Variants in BATF2 observed in about 807,000 individuals in gnomAD.
The protein encoded by BATF2 is basic leucine zipper ATF-like transcription factor 2.
Under a neutral mutation model 7.3 loss-of-function variants are expected in BATF2, and 4 were observed. The ratio of observed to expected loss-of-function variants is 0.55; its 90% CI spans 0.27 to 1.26. The LOEUF (loss-of-function observed/expected upper bound fraction) is 1.26, where lower values mean the gene tolerates loss of function less well. BATF2 is among the 50% of genes most tolerant of loss of function. The pLI is 0.11. For missense variants in BATF2, 295 were observed against 340.5 expected (o/e 0.87, Z 1.05); for synonymous variants, 152 against 153.9 (o/e 0.99, Z 0.09).
rs145280751 is a variant in BATF2 at position 64,989,444 on chromosome 11, C to T, written c.510G>A (p.Leu170=). The T allele has an allele frequency of 2.9e-3, 4,679 of 1,609,450 alleles. 11 individuals are homozygous for T. The highest frequency in any genetic ancestry group is 3.7e-3 in the Non-Finnish European group (4,344 of 1,177,688). Residue 170 remains leucine (L), a synonymous_variant, in exon 3 of 3, where the codon CTG becomes CTA. Transcript: ENST00000301887. This position sits in a 1 kb window ranked among gnomAD's most constrained non-coding sequence, Gnocchi z 4.3. ...AGGCAAACAGGAGAGGGCTGGGGGA[C>T]AGCTGGACAGGAGGTTCAGCAACCA... ...PAVVAEPPVQ[L]SPSPLLFASH... is the part of the protein sequence containing the mutation.
rs1317004427 is a variant in BATF2 at position 64,988,262 on chromosome 11, C to G, written c.*867G>C. 1.3e-5 allele frequency: 2 copies of G among 152,330 alleles called. No homozygotes were observed. The highest frequency in any genetic ancestry group is 4.8e-5 in the African/African-American group (2 of 41,464). The allele number at this position is 152,330 out of a possible 1,614,324, so 9.4% of individuals were successfully genotyped here. A position where few individuals can be genotyped will look rare whatever the true frequency, so the allele number is the denominator to read the frequency against. ...GGGTGATGAGGGCCTGGGGGCCACA[C>G]AGGGGTGGGTGCTGTCAGGTACAAG... On this transcript the variant is annotated 3_prime_UTR_variant, in exon 3 of 3. Coordinates refer to ENST00000301887, the MANE Select transcript of BATF2 (RefSeq NM_138456.4).
intron 2 of BATF2, among the ~76,000 whole-genome samples, chr11:64,992,359 G>T (rs745845571): frequency 6.6e-6 from 1 of 151,862 alleles, no homozygotes. Context: ...GAGCCACCGC[G>T]CCTGGCTCAT....
At position 64,994,513 on chromosome 11, in the gene BATF2, T is replaced by C; in HGVS notation, c.76A>G (p.Lys26Glu). The C allele has an allele frequency of 2.5e-6, 4 of 1,604,528 alleles. No individual in the cohort carries two copies. The highest frequency in any genetic ancestry group is 3.4e-6 in the Non-Finnish European group (4 of 1,175,648). ...KEQQRQLKKQ[K>E]NRAAAQRSRQ... ...CTTCGCTGGGCGGCTGCCCGGTTCT[T>C]CTGCTTCTTCAGCTGCCTTTGTTGC... Residue 26 changes from lysine (K) to glutamate (E), a missense_variant, in exon 2 of 3, where the codon AAG (lysine) becomes GAG (glutamate). Transcript: ENST00000301887.
Position 64,989,501 on chromosome 11 carries a change from G to A in BATF2, c.453C>T (p.Cys151=). The part of the protein sequence containing the change: ...QPHDSPSLLQ[C]PLPSLSLGPA... ...GGCCAAGGGACAGTGAGGGCAGGGGGCACTGGAGGAGGCTGGGAGAATCAT... is the reference window on the plus strand; with the variant it reads ...GGCCAAGGGACAGTGAGGGCAGGGGACACTGGAGGAGGCTGGGAGAATCAT... The change falls in exon 3 of 3, where the codon TGC becomes TGT. Residue 151 remains cysteine, a synonymous_variant. Transcript: ENST00000301887. This position sits in a 1 kb window ranked among gnomAD's most constrained non-coding sequence, Gnocchi z 4.3. The A allele has an allele frequency of 6.2e-7, 1 of 1,605,356 alleles. No individual in the cohort carries two copies. Among genetic ancestry groups the A allele is most frequent in the Non-Finnish European group, 8.5e-7 (1 of 1,175,920 alleles).
At position 64,996,939 on chromosome 11, in the gene BATF2, TC is replaced by T. The variant is rs1946114805; in HGVS notation, c.-26del. ...TGGCTTAGGCGGGGGAGCAGAGTGGTCCCTCAGCAGCTGTGACTTCCCAGTG... is the reference window on the plus strand; with the variant it reads ...TGGCTTAGGCGGGGGAGCAGAGTGGTCCTCAGCAGCTGTGACTTCCCAGTG... On this transcript the variant is annotated 5_prime_UTR_variant, in exon 1 of 3. Coordinates refer to ENST00000301887, the MANE Select transcript of BATF2 (RefSeq NM_138456.4). The T allele has an allele frequency of 1.9e-6, 3 of 1,572,022 alleles. No homozygotes were observed. Among genetic ancestry groups the T allele is most frequent in the Admixed American group, 1.8e-5 (1 of 55,790 alleles).
chr11:64,991,153 ATTTTTTT>A (rs986602706), intron 2 of BATF2, among the ~76,000 whole-genome samples: 1 of 113,022 alleles, frequency 8.8e-6, no homozygotes, highest in African/African-American at 3.3e-5. Context: ...GGAATGATGA[ATTTTTTT>A]TTTTTTTTTT....
intron 2 of BATF2, among the ~76,000 whole-genome samples, chr11:64,993,822 G>T (rs1159774924): frequency 6.6e-6 from 1 of 151,858 alleles, no homozygotes; most frequent in Non-Finnish European, 1.5e-5. Flanking sequence ...CTATAGACAG[G>T]GTCTCAATCT....
chr11:64,994,378 G>T, intron 2 of BATF2, 70 bp downstream of exon 2: 1 of 1,430,808 alleles, frequency 7.0e-7, no homozygotes, highest in Non-Finnish European at 9.6e-7. Context: ...TCAAAGGTGG[G>T]ATGGAGAAGA....
At position 64,989,679 on chromosome 11, in the gene BATF2, G is replaced by A. The variant is rs760754224; in HGVS notation, c.275C>T (p.Ser92Leu). The stretch of plus-strand genomic sequence containing the variant: ...CCAGCAGCCCAGGAGCCCTGGAGCT[G>A]AGCAGGAGGCACAATCCATGGGGCA... ...RLCPMDCASC[S>L]APGLLGCWDQ... The change falls in exon 3 of 3, where the codon TCA (serine) becomes TTA (leucine). Residue 92 changes from serine to leucine, a missense_variant. Transcript: ENST00000301887. This position sits in a 1 kb window ranked among gnomAD's most constrained non-coding sequence, Gnocchi z 4.3. 8.7e-6 allele frequency: 14 copies of A among 1,613,846 alleles called. No individual in the cohort carries two copies. The South Asian group carries it at 1.2e-4, about 14-fold the overall frequency.
At chr11:64,990,572 C>T (rs1047968398) in intron 2 of BATF2, 62 of 1,056,270 alleles carry the variant, frequency 5.9e-5, no homozygotes, top group Middle Eastern at 4.6e-4. Context: ...TTCTGCTGAA[C>T]GCCGGTTCTG....
At chr11:64,995,072 C>A (rs1055087881) in intron 1 of BATF2, among the ~76,000 whole-genome samples, 1 of 152,056 alleles carries the variant, frequency 6.6e-6, no homozygotes, top group Non-Finnish European at 1.5e-5. Context: ...TCATCTCAAA[C>A]TGGTCTTGAA....
intron 2 of BATF2, among the ~76,000 whole-genome samples, chr11:64,991,574 A>T (rs1946078066): frequency 6.6e-6 from 1 of 152,318 alleles, no homozygotes; most frequent in Admixed American, 6.5e-5. Context: ...TTCGTTTGCC[A>T]CCTTCAGGAG....
Position 64,989,372 on chromosome 11 carries a change from G to A in BATF2, c.582C>T (p.Ala194=). 6.4e-7 allele frequency: 1 copy of A among 1,574,268 alleles called. No homozygotes were observed. Among genetic ancestry groups the A allele is most frequent in the South Asian group, 1.2e-5 (1 of 84,298 alleles). ...TTTGGGCCGTGAGGCTGGGCTGGAG[G>A]GCACTGAGCTTAGAGGAAGACCCCT... is the stretch of plus-strand genomic sequence containing the variant. ...SLQGSSSKLS[A]LQPSLTAQTA... Residue 194 remains alanine (A), a synonymous_variant, in exon 3 of 3, where the codon GCC becomes GCT. Coordinates refer to ENST00000301887, the MANE Select transcript of BATF2 (RefSeq NM_138456.4). The surrounding 1 kb of genome is among the most constrained non-coding windows in gnomAD (Gnocchi z 4.3).
chr11:64,988,897 G>T lies in BATF2; in HGVS notation c.*232C>A. The T allele has an allele frequency of 1.8e-6, 1 of 550,838 alleles. No homozygotes were observed. The allele number at this position is 550,838 out of a possible 1,614,324, so 34.1% of individuals were successfully genotyped here. ...CCTCAGTTTCCTTGTCTGAAAAAGT[G>T]GAGTGATAATCTCGATTTCTCAGGT... On this transcript the variant is annotated 3_prime_UTR_variant, in exon 3 of 3. Coordinates refer to ENST00000301887, the MANE Select transcript of BATF2 (RefSeq NM_138456.4).
chr11:64,988,886 T>C lies in BATF2; in HGVS notation c.*243A>G. On this transcript the variant is annotated 3_prime_UTR_variant, in exon 3 of 3. Coordinates refer to ENST00000301887, the MANE Select transcript of BATF2 (RefSeq NM_138456.4). Reference sequence around the variant, plus strand: ...GCTTCCCTGAGCCTCAGTTTCCTTGTCTGAAAAAGTGGAGTGATAATCTCG... The same window carrying C: ...GCTTCCCTGAGCCTCAGTTTCCTTGCCTGAAAAAGTGGAGTGATAATCTCG... 1.9e-6 allele frequency: 1 copy of C among 530,760 alleles called. No homozygotes were observed. 32.9% of individuals were successfully genotyped at this position (530,760 alleles called of 1,614,324 possible).
chr11:64,994,816 T>A (rs1055103563), intron 1 of BATF2, among the ~76,000 whole-genome samples: 3 of 152,170 alleles, frequency 2.0e-5, no homozygotes, highest in Non-Finnish European at 4.4e-5. Flanking sequence ...AGATTCAAAC[T>A]CAGACAGAGC....
intron 2 of BATF2, among the ~76,000 whole-genome samples, chr11:64,993,197 T>TA (rs1946089388): frequency 6.6e-6 from 1 of 151,946 alleles, no homozygotes; most frequent in Non-Finnish European, 1.5e-5. Flanking sequence ...CCGTCTCTGC[T>TA]AAAAATACAA....
At chr11:64,994,395 TG>T (rs1946096167) in intron 2 of BATF2, 52 bp downstream of exon 2, 3 of 1,514,796 alleles carry the variant, frequency 2.0e-6, no homozygotes, top group East Asian at 2.5e-5. Flanking sequence ...AAGAGGTGGC[TG>T]GGCCAGTAAG....
At chr11:64,995,888 G>T (rs1946106146) in intron 1 of BATF2, among the ~76,000 whole-genome samples, 1 of 152,208 alleles carries the variant, frequency 6.6e-6, no homozygotes, top group African/African-American at 2.4e-5. Context: ...AGTGAAGGGG[G>T]CTCCTGTGAG....
Sources: allele counts gnomAD v4.1 joint callset (sites outside exome capture counted in the v4.1 genomes callset), GRCh38; gene constraint gnomAD v4.1.1; non-coding constraint Gnocchi (gnomAD v3.1); transcripts MANE v1.5; gene names NCBI Gene and HGNC (gene_info 2026-07-23, HGNC 2026-07-21).